The following DACH1 variants were observed in gnomAD, a reference collection of about 807,000 sequenced individuals.
DACH1 encodes the protein dachshund family transcription factor 1.
DACH1 carries 12 observed loss-of-function variants against 54.2 expected under a neutral mutation model. That is an observed-to-expected ratio of 0.22 (90% CI 0.14 to 0.36). DACH1 has a LOEUF of 0.36. Among genes scored for constraint, DACH1 ranks in the 10% least tolerant of loss-of-function variants. The pLI, the probability that DACH1 is intolerant of heterozygous loss-of-function variation, is 1.00. For missense variants in DACH1, 805 were observed against 929.8 expected (o/e 0.87, Z 1.75); for synonymous variants, 386 against 366.2 (o/e 1.05, Z -0.62).
intron 10 of DACH1, chr13:71,464,832 T>G (rs1876422332): frequency 2.5e-6 from 1 of 392,518 alleles, no homozygotes; most frequent in African/African-American, 2.1e-5. Context: ...CTATGTTTAG[T>G]ATCAAGAGAA....
chr13:71,858,086 G>T (rs1566546418), intron 1 of DACH1, among the ~76,000 whole-genome samples: 2 of 151,538 alleles, frequency 1.3e-5, no homozygotes, highest in Non-Finnish European at 3.0e-5. Context: ...TATTTTCATT[G>T]CCTTTACTGA....
chr13:71,654,115 G>A (rs1878878554), intron 2 of DACH1, among the ~76,000 whole-genome samples: 1 of 152,102 alleles, frequency 6.6e-6, no homozygotes, highest in Non-Finnish European at 1.5e-5. Flanking sequence ...AATAGGCCGG[G>A]CATAGTAGCT....
intron 6 of DACH1, among the ~76,000 whole-genome samples, chr13:71,542,806 C>G (rs1017400398): frequency 6.6e-6 from 1 of 152,094 alleles, no homozygotes; most frequent in Non-Finnish European, 1.5e-5. Flanking sequence ...AACTTATAAG[C>G]CAGTCTACCT....
chr13:71,859,997 T>C (rs1215314577), intron 1 of DACH1, among the ~76,000 whole-genome samples: 1 of 151,864 alleles, frequency 6.6e-6, no homozygotes, highest in Non-Finnish European at 1.5e-5. Context: ...GAGCCTTTGC[T>C]GTTACACTTA....
chr13:71,722,960 C>G (rs766713780), intron 1 of DACH1, among the ~76,000 whole-genome samples: 8 of 152,098 alleles, frequency 5.3e-5, no homozygotes, highest in Non-Finnish European at 8.8e-5. Context: ...TATTTGGAGA[C>G]TTTGTAAAGG....
intron 10 of DACH1, among the ~76,000 whole-genome samples, chr13:71,472,736 C>T (rs1162418935): frequency 6.6e-6 from 1 of 152,182 alleles, no homozygotes; most frequent in Non-Finnish European, 1.5e-5. Context: ...GCAGCAGGTG[C>T]TCATGGCTCC....
chr13:71,526,728 GTA>G (rs1008963997), intron 6 of DACH1, among the ~76,000 whole-genome samples: 1 of 146,812 alleles, frequency 6.8e-6, no homozygotes, highest in Non-Finnish European at 1.5e-5. Flanking sequence ...ATATATATAG[GTA>G]TATATATGTA....
intron 1 of DACH1, among the ~76,000 whole-genome samples, chr13:71,828,804 C>G (rs1252153377): frequency 2.0e-5 from 3 of 151,902 alleles, no homozygotes; most frequent in Non-Finnish European, 2.9e-5. Context: ...CTTCTCTGGT[C>G]TCTAAGGCCC....
At chr13:71,715,455 G>A (rs974298793) in intron 1 of DACH1, among the ~76,000 whole-genome samples, 1 of 152,086 alleles carries the variant, frequency 6.6e-6, no homozygotes, top group East Asian at 1.9e-4. Context: ...ATGCTGCTCT[G>A]TTCAGGGTAC....
At chr13:71,702,608 C>T (rs1566443817) in intron 1 of DACH1, among the ~76,000 whole-genome samples, 1 of 151,880 alleles carries the variant, frequency 6.6e-6, no homozygotes, top group Non-Finnish European at 1.5e-5. Context: ...GGGAACAATG[C>T]TGATTAAAAA....
intron 1 of DACH1, among the ~76,000 whole-genome samples, chr13:71,831,141 T>G (rs1251894468): frequency 6.6e-6 from 1 of 151,912 alleles, no homozygotes; most frequent in African/African-American, 2.4e-5. Flanking sequence ...CTAGGGCAAA[T>G]GAAGAGGCAT....
chr13:71,630,996 C>T (rs1249942058), intron 2 of DACH1, among the ~76,000 whole-genome samples: 1 of 152,124 alleles, frequency 6.6e-6, no homozygotes, highest in Non-Finnish European at 1.5e-5. Flanking sequence ...CTTAAAGAAA[C>T]CAATCTACGA....
chr13:71,477,260 A>G (rs901900204), intron 8 of DACH1, among the ~76,000 whole-genome samples: 2 of 150,954 alleles, frequency 1.3e-5, no homozygotes, highest in African/African-American at 4.9e-5. Flanking sequence ...AGCTGGGACT[A>G]CAGGCACCTG....
At chr13:71,454,763 C>T (rs1297306836) in intron 10 of DACH1, among the ~76,000 whole-genome samples, 1 of 152,166 alleles carries the variant, frequency 6.6e-6, no homozygotes, top group East Asian at 1.9e-4. Context: ...GTAGGCCTGC[C>T]AACACCTTCC....
chr13:71,785,594 C>T (rs938018267), intron 1 of DACH1, among the ~76,000 whole-genome samples: 3 of 152,162 alleles, frequency 2.0e-5, no homozygotes, highest in Admixed American at 2.0e-4. Context: ...GTTTTCACTT[C>T]ATGTGTTGGA....
rs55651625 is a variant in DACH1, at chr13:71,864,180, T to TACACACACACACACAC, written c.848+1726_848+1741dup. Among the ~76,000 whole-genome samples, 335 of 108,496 alleles carry TACACACACACACACAC rather than the reference T, an allele frequency of 3.1e-3. 1 individual carries two copies. The highest frequency in any genetic ancestry group is 0.011 in the African/African-American group (305 of 27,828). 71.2% of individuals were successfully genotyped at this position (108,496 alleles called of 152,430 possible). A position where few individuals can be genotyped will look rare whatever the true frequency, so the allele number is the denominator to read the frequency against. On this transcript the variant is annotated intron_variant, in intron 1 of 10. Coordinates refer to ENST00000613252, the MANE Select transcript of DACH1 (RefSeq NM_080759.6). Reference sequence around the variant, plus strand: ...ATACTTTTGAGCGCGCGCGCGCACATACACACACACACACACACACACACA... The same window carrying TACACACACACACACAC: ...ATACTTTTGAGCGCGCGCGCGCACATACACACACACACACACACACACACACACACACACACACACA...
At chr13:71,742,034 G>A (rs1185326977) in intron 1 of DACH1, among the ~76,000 whole-genome samples, 2 of 152,118 alleles carry the variant, frequency 1.3e-5, no homozygotes, top group Non-Finnish European at 2.9e-5. Flanking sequence ...TTGAATCATG[G>A]GGGCCAGTCT....
chr13:71,647,911 G>T (rs1878401561), intron 2 of DACH1, among the ~76,000 whole-genome samples: 1 of 152,184 alleles, frequency 6.6e-6, no homozygotes, highest in African/African-American at 2.4e-5. Context: ...GCAACTCCTA[G>T]TTTCAGAGGA....
intron 1 of DACH1, among the ~76,000 whole-genome samples, chr13:71,753,413 C>G (rs114919639): frequency 0.015 from 2,283 of 152,244 alleles, 47 homozygotes; most frequent in East Asian, 0.049. Flanking sequence ...TTAAAAGGTT[C>G]GTGCACCATC....
Sources: gnomAD v4.1 joint callset for allele counts (sites outside exome capture counted in the v4.1 genomes callset) on GRCh38, gnomAD v4.1.1 for gene constraint, MANE v1.5 for transcripts, NCBI Gene and HGNC (gene_info 2026-07-23, HGNC 2026-07-21) for gene names.